Variants in KDM4C observed in about 807,000 individuals in gnomAD.
KDM4C encodes the protein lysine demethylase 4C.
Under a neutral mutation model 129.3 loss-of-function variants are expected in KDM4C, and 81 were observed. The observed-to-expected ratio is 0.63, with a 90% CI of 0.52 to 0.75. The LOEUF (loss-of-function observed/expected upper bound fraction) is 0.75, where lower values mean the gene tolerates loss of function less well. Ranked by LOEUF, KDM4C falls within the 30% of genes least tolerant of loss-of-function variation. The pLI is 0.00. For synonymous variants in KDM4C, 573 were observed against 456.1 expected (o/e 1.26, Z -3.26); for missense variants, 1,457 against 1,304.0 (o/e 1.12, Z -1.81).
rs1564041313 is a variant in KDM4C at position 7,049,184 on chromosome 9, T to C, written c.2408T>C (p.Leu803Ser). Reference sequence around the variant, plus strand: ...CAAATAGATGTAGGCAGAATACCTTTACAGAGGTTAAAATTGGTGAGTGGC... The same window carrying C: ...CAAATAGATGTAGGCAGAATACCTTCACAGAGGTTAAAATTGGTGAGTGGC... ...RTQIDVGRIP[L>S]QRLKLKCIFC... Residue 803 changes from leucine (L) to serine (S), a missense_variant, in exon 17 of 22, where the codon TTA becomes TCA. By Grantham distance (145) the Leu-to-Ser change is moderately radical (BLOSUM62 -2). Transcript: ENST00000381309. The C allele has an allele frequency of 1.9e-6, 3 of 1,597,268 alleles. No individual in the cohort carries two copies. Among genetic ancestry groups the C allele is most frequent in the Admixed American group, 3.4e-5 (2 of 59,494 alleles).
intron 5 of KDM4C, among the ~76,000 whole-genome samples, chr9:6,861,829 G>A (rs1260606231): frequency 6.6e-6 from 1 of 150,812 alleles, no homozygotes; most frequent in African/African-American, 2.4e-5. Flanking sequence ...AGGCTGCAGT[G>A]CAATGGTGTG....
intron 4 of KDM4C, among the ~76,000 whole-genome samples, chr9:6,831,963 G>A (rs1156455640): frequency 7.2e-5 from 11 of 152,158 alleles, no homozygotes; most frequent in African/African-American, 2.4e-4. Flanking sequence ...TGAGTACTTA[G>A]GCAGTCTCTG....
intron 8 of KDM4C, among the ~76,000 whole-genome samples, chr9:6,933,832 T>C (rs1824202568): frequency 6.6e-6 from 1 of 151,924 alleles, no homozygotes; most frequent in Admixed American, 6.6e-5. Context: ...TTCCAGGTCT[T>C]CCTGATTTTT....
chr9:7,158,239 CTCTTT>C (rs1228400003), intron 19 of KDM4C, among the ~76,000 whole-genome samples: 1 of 151,784 alleles, frequency 6.6e-6, no homozygotes, highest in Non-Finnish European at 1.5e-5. Context: ...TGATTCTTCT[CTCTTT>C]TCTTCTTTAC....
intron 2 of KDM4C, among the ~76,000 whole-genome samples, chr9:6,801,843 G>T (rs2130977969): frequency 6.6e-6 from 1 of 152,182 alleles, no homozygotes; most frequent in South Asian, 2.1e-4. Context: ...GGTGGCTCAT[G>T]CCTGTAATCC....
At chr9:6,778,760 CTG>C (rs1178060266) in intron 1 of KDM4C, among the ~76,000 whole-genome samples, 6 of 151,098 alleles carry the variant, frequency 4.0e-5, no homozygotes, top group Non-Finnish European at 7.4e-5. Context: ...GAGCAAGACT[CTG>C]TGTCACAGTG....
chr9:7,124,443 C>T (rs1839828298), intron 18 of KDM4C, among the ~76,000 whole-genome samples: 1 of 152,062 alleles, frequency 6.6e-6, no homozygotes, highest in South Asian at 2.1e-4. Flanking sequence ...ATGTGGCCTC[C>T]TAGAGTTAGT....
At chr9:7,035,123 C>A (rs1827404876) in intron 15 of KDM4C, among the ~76,000 whole-genome samples, 1 of 151,532 alleles carries the variant, frequency 6.6e-6, no homozygotes, top group South Asian at 2.1e-4. Flanking sequence ...TGTGATCCTC[C>A]CACCTTTGCC....
At chr9:6,943,652 G>T (rs1826360174) in intron 8 of KDM4C, among the ~76,000 whole-genome samples, 1 of 150,704 alleles carries the variant, frequency 6.6e-6, no homozygotes, top group Non-Finnish European at 1.5e-5. Context: ...TCCAGTCTGG[G>T]CGACATAGGG....
chr9:7,017,828 A>T (rs927131566), intron 15 of KDM4C, among the ~76,000 whole-genome samples: 1 of 152,186 alleles, frequency 6.6e-6, no homozygotes, highest in African/African-American at 2.4e-5. Context: ...GCCTTATATG[A>T]TGAAAATTTT....
chr9:7,081,834 T>A (rs1427773728), intron 17 of KDM4C, among the ~76,000 whole-genome samples: 1 of 152,154 alleles, frequency 6.6e-6, no homozygotes, highest in Non-Finnish European at 1.5e-5. Flanking sequence ...CAGGTGCTGG[T>A]ACGGAAAGGC....
intron 3 of KDM4C, among the ~76,000 whole-genome samples, chr9:6,812,957 C>T (rs1441868588): frequency 6.6e-6 from 1 of 152,192 alleles, no homozygotes; most frequent in African/African-American, 2.4e-5. Flanking sequence ...AGGCGGATCA[C>T]CTGAGGTCGG....
chr9:7,151,690 A>G (rs946733638), intron 19 of KDM4C, among the ~76,000 whole-genome samples: 3 of 152,160 alleles, frequency 2.0e-5, no homozygotes, highest in Admixed American at 6.5e-5. Context: ...AAAACTATTA[A>G]AAAGGGAAAG....
chr9:7,162,220 C>T (rs1373103088), intron 19 of KDM4C, among the ~76,000 whole-genome samples: 1 of 152,044 alleles, frequency 6.6e-6, no homozygotes, highest in Non-Finnish European at 1.5e-5. Context: ...TTTTCTTCTT[C>T]TATAAGTAAA....
intron 1 of KDM4C, among the ~76,000 whole-genome samples, chr9:6,765,451 T>C (rs1781851818): frequency 6.6e-6 from 1 of 152,164 alleles, no homozygotes; most frequent in Non-Finnish European, 1.5e-5. Context: ...TTCCCTGTAT[T>C]TTTCCCTAAC....
chr9:7,127,588 A>G lies in KDM4C; in HGVS notation c.2611-478A>G, dbSNP rs2146788. 5.4e-3 allele frequency among the ~76,000 whole-genome samples: 823 copies of G among 152,304 alleles called. 7 individuals are homozygous for G. The highest frequency in any genetic ancestry group is 0.017 in the African/African-American group (726 of 41,568). ...TAAAGAAGCCTAAAGAGGTGTGGCA[A>G]CTAAATGCAATACTTGACTCTAGAC... On this transcript the variant is annotated intron_variant, in intron 18 of 21. Transcript: ENST00000381309.
At chr9:6,733,987 T>C (rs988962790) in intron 1 of KDM4C, among the ~76,000 whole-genome samples, 2 of 152,162 alleles carry the variant, frequency 1.3e-5, no homozygotes, top group Admixed American at 1.3e-4. Context: ...CTGCAGCCTG[T>C]TTTATCAGCA....
intron 1 of KDM4C, among the ~76,000 whole-genome samples, chr9:6,780,504 C>T (rs1824099801): frequency 6.6e-6 from 1 of 151,838 alleles, no homozygotes; most frequent in Non-Finnish European, 1.5e-5. Context: ...CTGTGGCTCA[C>T]ACCTGTAATC....
intron 8 of KDM4C, among the ~76,000 whole-genome samples, chr9:6,923,044 G>A (rs1237664583): frequency 6.6e-6 from 1 of 152,086 alleles, no homozygotes; most frequent in East Asian, 1.9e-4. Context: ...ATTCTCCTCA[G>A]GTATGAATTT....
Sources: gnomAD v4.1 joint callset for allele counts (sites outside exome capture counted in the v4.1 genomes callset) on GRCh38, gnomAD v4.1.1 for gene constraint, MANE v1.5 for transcripts, NCBI Gene and HGNC (gene_info 2026-07-23, HGNC 2026-07-21) for gene names.